The following CACNA1I variants were observed in gnomAD, a reference collection of about 807,000 sequenced individuals.
CACNA1I encodes the protein calcium voltage-gated channel subunit alpha1 I.
A neutral mutation model predicts 201.6 loss-of-function variants in CACNA1I; 74 were observed. The ratio of observed to expected loss-of-function variants is 0.37; its 90% CI spans 0.30 to 0.45. The LOEUF (loss-of-function observed/expected upper bound fraction) is 0.45. Among genes scored for constraint, CACNA1I ranks in the 20% least tolerant of loss-of-function variants. The probability of loss-of-function intolerance (pLI) is 1.00; values close to 1 mark genes in which losing one functional copy is unlikely to be tolerated. For missense variants in CACNA1I, 2,346 were observed against 3,138.1 expected (o/e 0.75, Z 6.03); for synonymous variants, 1,431 against 1,345.2 (o/e 1.06, Z -1.40).
rs1175550667 is a variant in CACNA1I, at chr22:39,579,973, A to G, written c.236+8985A>G. ...CTCTTTTAAGCTCTTTTAAACAACCAGCTCTTACATGAACTAATAGAGAAC... is the reference window on the plus strand; with the variant it reads ...CTCTTTTAAGCTCTTTTAAACAACCGGCTCTTACATGAACTAATAGAGAAC... On this transcript the variant is annotated intron_variant, in intron 1 of 36. Transcript: ENST00000402142. Among the ~76,000 whole-genome samples the G allele has an allele frequency of 2.0e-5, 3 of 152,200 alleles. No homozygotes were observed. The East Asian group carries it at 5.8e-4, about 29-fold the overall frequency.
chr22:39,660,267 A>G (rs983824997), intron 14 of CACNA1I, 77 bp from the exon 15 acceptor site: 2 of 1,107,614 alleles, frequency 1.8e-6, no homozygotes, highest in Non-Finnish European at 1.3e-6. Flanking sequence ...GGAAACACCC[A>G]TAGAAAAATT....
Position 39,659,781 on chromosome 22 carries a change from C to T in CACNA1I, c.2533C>T (p.Leu845Phe). ...SPWASLYFVA[L>F]MTFGNYVLFN... ...CTGGGCCTCCCTCTACTTTGTCGCC[C>T]TCATGACCTTCGGCAACTATGTGCT... The change falls in exon 14 of 37, where the codon CTC (leucine) becomes TTC (phenylalanine). Residue 845 changes from leucine to phenylalanine, a missense_variant. Transcript: ENST00000402142. This position sits in a 1 kb window ranked among gnomAD's most constrained non-coding sequence, Gnocchi z 4.3. 1.9e-6 allele frequency: 3 copies of T among 1,613,948 alleles called. No homozygotes were observed. The highest frequency in any genetic ancestry group is 2.5e-6 in the Non-Finnish European group (3 of 1,179,876).
At chr22:39,599,618 C>CAAAAAA (rs71197187) in intron 2 of CACNA1I, among the ~76,000 whole-genome samples, 1 of 64,316 alleles carries the variant, frequency 1.6e-5, no homozygotes, top group Non-Finnish European at 2.8e-5. Context: ...GACTCCGTCT[C>CAAAAAA]AAAAAAAAAA....
intron 3 of CACNA1I, among the ~76,000 whole-genome samples, chr22:39,606,152 TC>T (rs1440840611): frequency 1.3e-5 from 2 of 152,114 alleles, no homozygotes; most frequent in African/African-American, 4.8e-5. Flanking sequence ...GAGAACGGGA[TC>T]CCACCCTCCC....
At chr22:39,639,851 T>G (rs1934309520) in intron 5 of CACNA1I, among the ~76,000 whole-genome samples, 1 of 152,242 alleles carries the variant, frequency 6.6e-6, no homozygotes. Context: ...AGTGCTACAC[T>G]GTATTAACAA....
chr22:39,598,078 A>G (rs1439839607), intron 1 of CACNA1I, 73 bp from the exon 2 acceptor site: 8 of 816,130 alleles, frequency 9.8e-6, no homozygotes, highest in Non-Finnish European at 8.3e-6. Context: ...GGTTGCGGGT[A>G]TTACACTCTA....
At chr22:39,682,964 A>T (rs1483313496) in intron 35 of CACNA1I, among the ~76,000 whole-genome samples, 1 of 152,006 alleles carries the variant, frequency 6.6e-6, no homozygotes, top group Non-Finnish European at 1.5e-5. Flanking sequence ...GTGGGTACAC[A>T]CGGCTCTCAT....
chr22:39,659,689 C>T lies in CACNA1I; in HGVS notation c.2449-8C>T, dbSNP rs772670156. The T allele has an allele frequency of 1.1e-5, 18 of 1,613,806 alleles. No homozygotes were observed. The highest frequency in any genetic ancestry group is 1.4e-5 in the Non-Finnish European group (17 of 1,179,840). On this transcript the variant is annotated splice_region_variant and splice_polypyrimidine_tract_variant and intron_variant, in intron 13 of 36. Transcript: ENST00000402142. This position sits in a 1 kb window ranked among gnomAD's most constrained non-coding sequence, Gnocchi z 4.3. Reference sequence around the variant, plus strand: ...GGTACCCCAGGGCTAACTGTGTCTCCCCAACAGATCCTCACCCAGGAGGAC... The same window carrying T: ...GGTACCCCAGGGCTAACTGTGTCTCTCCAACAGATCCTCACCCAGGAGGAC...
chr22:39,586,759 A>G (rs1932757894), intron 1 of CACNA1I, among the ~76,000 whole-genome samples: 1 of 152,140 alleles, frequency 6.6e-6, no homozygotes, highest in Non-Finnish European at 1.5e-5. Context: ...GCGGCAGAGG[A>G]CAGGTCCCCA....
intron 3 of CACNA1I, among the ~76,000 whole-genome samples, chr22:39,615,709 A>G (rs1205437725): frequency 6.6e-6 from 1 of 152,164 alleles, no homozygotes; most frequent in East Asian, 1.9e-4. Flanking sequence ...TTCACTGTGC[A>G]GCTACTATGT....
chr22:39,633,557 G>C, intron 4 of CACNA1I, among the ~76,000 whole-genome samples: 1 of 152,230 alleles, frequency 6.6e-6, no homozygotes, highest in East Asian at 1.9e-4. Context: ...TGGCTGAATA[G>C]GGATTTGCCA....
At chr22:39,636,533 G>A in intron 5 of CACNA1I, among the ~76,000 whole-genome samples, 1 of 152,186 alleles carries the variant, frequency 6.6e-6, no homozygotes, top group East Asian at 1.9e-4. Flanking sequence ...AAGGAGATGA[G>A]TAAAGTTCAC....
At chr22:39,669,908 C>A in intron 24 of CACNA1I, 130 bp from the exon 25 acceptor site, 2 of 995,970 alleles carry the variant, frequency 2.0e-6, no homozygotes, top group Non-Finnish European at 1.6e-6. Context: ...CTCATTTAGA[C>A]CTCACAGCCA....
At chr22:39,587,874 C>T (rs1932775020) in intron 1 of CACNA1I, 1 of 321,530 alleles carries the variant, frequency 3.1e-6, no homozygotes, top group Non-Finnish European at 6.0e-6. Context: ...CTCCTGGGTT[C>T]AAGCAGTTCT....
At chr22:39,582,379 G>A (rs1387242253) in intron 1 of CACNA1I, among the ~76,000 whole-genome samples, 1 of 152,154 alleles carries the variant, frequency 6.6e-6, no homozygotes, top group Non-Finnish European at 1.5e-5. Context: ...CCAACGTGGG[G>A]AGGATGTGCT....
At position 39,686,652 on chromosome 22, in the gene CACNA1I, A is replaced by ATATATGTG. The variant is rs1420348207; in HGVS notation, c.*248_*249insATATGTGT. On this transcript the variant is annotated 3_prime_UTR_variant, in exon 37 of 37. Transcript: ENST00000402142. ...CATATATATATATATATATATATAT[A>ATATATGTG]TGTGTATACACACACACATAGACAG... is the stretch of plus-strand genomic sequence containing the variant. 2.8e-5 allele frequency: 4 copies of ATATATGTG among 143,906 alleles called. No homozygotes were observed. Among genetic ancestry groups the ATATATGTG allele is most frequent in the African/African-American group, 1.0e-4 (4 of 38,200 alleles). The allele number at this position is 143,906 out of a possible 1,614,324, so 8.9% of individuals were successfully genotyped here. A position where few individuals can be genotyped will look rare whatever the true frequency, so the allele number is the denominator to read the frequency against.
At chr22:39,588,074 A>G (rs1932777607) in intron 1 of CACNA1I, among the ~76,000 whole-genome samples, 1 of 146,134 alleles carries the variant, frequency 6.8e-6, no homozygotes, top group South Asian at 2.2e-4. Context: ...GTGCTGGCTG[A>G]TTGTGGATTT....
rs1360090511 is a variant in CACNA1I at position 39,648,403 on chromosome 22, C to G, written c.1567+477C>G. Among the ~76,000 whole-genome samples, 1 of 152,170 alleles carries G rather than the reference C, an allele frequency of 6.6e-6. No individual in the cohort carries two copies. The highest frequency in any genetic ancestry group is 1.5e-5 in the Non-Finnish European group (1 of 68,038). The stretch of plus-strand genomic sequence containing the variant: ...TCCTGCGGCCGCCCAGCCCCCTCTC[C>G]TGGCACTCTTGCCCCCTTGCCCCTG... On this transcript the variant is annotated intron_variant, in intron 9 of 36. Coordinates refer to ENST00000402142, the MANE Select transcript of CACNA1I (RefSeq NM_021096.4). The surrounding 1 kb of genome is among the most constrained non-coding windows in gnomAD (Gnocchi z 5.4).
Position 39,603,151 on chromosome 22 carries a change from CA to C in CACNA1I, c.482+2513del, listed in dbSNP as rs11430018. ...AGTCTTCAACAAAGCAAGACCCTGT[CA>C]AAAAAAAAAAAAAAGATTCATGCTT... is the stretch of plus-strand genomic sequence containing the variant. On this transcript the variant is annotated intron_variant, in intron 3 of 36. Transcript: ENST00000402142. Among the ~76,000 whole-genome samples, 1,166 of 132,434 alleles carry C rather than the reference CA, an allele frequency of 8.8e-3. 21 individuals are homozygous for C. Among genetic ancestry groups the C allele is most frequent in the East Asian group, 0.086 (352 of 4,088 alleles). 86.9% of individuals were successfully genotyped at this position (132,434 alleles called of 152,430 possible).
Sources: gnomAD v4.1 joint callset for allele counts (sites outside exome capture counted in the v4.1 genomes callset) on GRCh38, gnomAD v4.1.1 for gene constraint, Gnocchi (gnomAD v3.1) non-coding constraint, MANE v1.5 for transcripts, NCBI Gene and HGNC (gene_info 2026-07-23, HGNC 2026-07-21) for gene names.